The following EIF2B3 variants were observed in gnomAD, a reference collection of about 807,000 sequenced individuals.
EIF2B3 encodes eukaryotic translation initiation factor 2B subunit gamma, also known as translation initiation factor eIF2B subunit gamma.
EIF2B3 carries 20 observed loss-of-function variants against 54.1 expected under a neutral mutation model. That is an observed-to-expected ratio of 0.37 (90% confidence interval 0.26 to 0.54). The LOEUF is 0.54. EIF2B3 is among the 20% of genes least tolerant of loss of function. The pLI is 0.86. For missense variants in EIF2B3, 448 were observed against 547.8 expected (o/e 0.82, Z 1.82); for synonymous variants, 153 against 188.1 (o/e 0.81, Z 1.52).
chr1:44,911,220 G>A (rs1032318284), intron 5 of EIF2B3, among the ~76,000 whole-genome samples: 1 of 152,150 alleles, frequency 6.6e-6, no homozygotes, highest in Non-Finnish European at 1.5e-5. Context: ...ACCCCAGAGG[G>A]TCATAGGAAT....
At chr1:44,898,757 A>G (rs1160705283) in intron 5 of EIF2B3, among the ~76,000 whole-genome samples, 1 of 152,288 alleles carries the variant, frequency 6.6e-6, no homozygotes, top group South Asian at 2.1e-4. Context: ...CAGTGGCACA[A>G]TGATTGCTCA....
intron 5 of EIF2B3, among the ~76,000 whole-genome samples, chr1:44,903,023 G>A (rs1254026265): frequency 6.6e-6 from 1 of 151,976 alleles, no homozygotes; most frequent in Non-Finnish European, 1.5e-5. Context: ...GATTTCTAGG[G>A]AAGCTGTAAG....
intron 4 of EIF2B3, among the ~76,000 whole-genome samples, chr1:44,928,915 G>A (rs1643875317): frequency 6.6e-6 from 1 of 152,140 alleles, no homozygotes; most frequent in South Asian, 2.1e-4. Flanking sequence ...AACTTCTGGA[G>A]CCAGACTGCC....
In EIF2B3 at chr1:44,897,490, T is replaced by C; in HGVS notation, c.567-46A>G. Reference sequence around the variant, plus strand: ...AAAGAAAGAAAGAAGAGGCTCACAATCAGGTAACATGGTCTCCATTCTATT... The same window carrying C: ...AAAGAAAGAAAGAAGAGGCTCACAACCAGGTAACATGGTCTCCATTCTATT... On this transcript the variant is annotated intron_variant, in intron 5 of 11. Transcript: ENST00000360403. 2.1e-6 allele frequency: 3 copies of C among 1,422,626 alleles called. No homozygotes were observed. In the East Asian group the frequency reaches 7.3e-5, roughly 34 times the overall value. 88.1% of individuals were successfully genotyped at this position (1,422,626 alleles called of 1,614,324 possible).
At chr1:44,928,388 A>G (rs1643871273) in intron 4 of EIF2B3, among the ~76,000 whole-genome samples, 1 of 152,184 alleles carries the variant, frequency 6.6e-6, no homozygotes, top group African/African-American at 2.4e-5. Context: ...CAGAGGCTGC[A>G]GTGAGCTGAG....
At chr1:44,897,482 G>A (rs768776249) in intron 5 of EIF2B3, 38 bp from the exon 6 acceptor site, 43 of 1,484,868 alleles carry the variant, frequency 2.9e-5, no homozygotes. Context: ...GAAAGAAGAG[G>A]CTCACAATCA....
chr1:44,861,491 C>T (rs72674074), intron 10 of EIF2B3, among the ~76,000 whole-genome samples: 1,826 of 152,178 alleles, frequency 0.012, 22 homozygotes, highest in Non-Finnish European at 0.02. Flanking sequence ...ACTCAAGCAG[C>T]CATAATTAGA....
chr1:44,980,951 G>A lies in EIF2B3; in HGVS notation c.148+70C>T, dbSNP rs940460379. On this transcript the variant is annotated intron_variant, in intron 2 of 11. Transcript: ENST00000360403. ...AGTCACCCTCTCTCATTCTCATAAC[G>A]CTGACAAATCATGGGGATCAAATCT... is the stretch of plus-strand genomic sequence containing the variant. 6.3e-6 allele frequency: 10 copies of A among 1,586,410 alleles called. 1 individual carries two copies. Among genetic ancestry groups the A allele is most frequent in the South Asian group, 3.3e-5 (3 of 90,348 alleles).
At chr1:44,972,236 CACACACACACACAA>C (rs1394803017) in intron 3 of EIF2B3, among the ~76,000 whole-genome samples, 3 of 116,766 alleles carry the variant, frequency 2.6e-5, no homozygotes, top group African/African-American at 3.7e-5. Context: ...AAAAAATACA[CACACACACACACAA>C]ACACACACAC....
chr1:44,973,175 T>C (rs1644419737), intron 3 of EIF2B3, among the ~76,000 whole-genome samples: 1 of 152,180 alleles, frequency 6.6e-6, no homozygotes, highest in Admixed American at 6.5e-5. Flanking sequence ...AAATAGCATA[T>C]AATCCAGCAA....
chr1:44,967,601 G>A (rs547714126), intron 3 of EIF2B3, among the ~76,000 whole-genome samples: 2 of 151,732 alleles, frequency 1.3e-5, no homozygotes, highest in African/African-American at 2.4e-5. Context: ...TTAGCCGGGT[G>A]TGGTGGCACA....
intron 3 of EIF2B3, among the ~76,000 whole-genome samples, chr1:44,971,802 G>A (rs780445082): frequency 6.6e-6 from 1 of 152,122 alleles, no homozygotes; most frequent in Non-Finnish European, 1.5e-5. Context: ...GGAGGCTGAG[G>A]TGGGTGGATC....
chr1:44,965,613 A>T (rs1421791573), intron 3 of EIF2B3, among the ~76,000 whole-genome samples: 1 of 148,402 alleles, frequency 6.7e-6, no homozygotes, highest in African/African-American at 2.5e-5. Context: ...AGGCCTGGGT[A>T]TCTGAGATGC....
intron 4 of EIF2B3, among the ~76,000 whole-genome samples, chr1:44,930,653 T>C (rs1265546677): frequency 6.6e-6 from 1 of 152,208 alleles, no homozygotes; most frequent in Admixed American, 6.5e-5. Flanking sequence ...TTTTTTCTTT[T>C]TTTTGGAGGT....
chr1:44,920,547 C>T (rs1258767232), intron 5 of EIF2B3, among the ~76,000 whole-genome samples: 1 of 152,158 alleles, frequency 6.6e-6, no homozygotes, highest in Non-Finnish European at 1.5e-5. Context: ...CACTCTCTAC[C>T]CTTTCCAGCC....
intron 10 of EIF2B3, among the ~76,000 whole-genome samples, chr1:44,859,305 G>A (rs920697815): frequency 2.7e-5 from 4 of 150,322 alleles, no homozygotes; most frequent in Admixed American, 6.6e-5. Flanking sequence ...TGTCATAAAC[G>A]GAGCATCTTC....
At chr1:44,961,404 T>C (rs746051329) in intron 3 of EIF2B3, among the ~76,000 whole-genome samples, 23 of 150,402 alleles carry the variant, frequency 1.5e-4, no homozygotes, top group Non-Finnish European at 3.0e-4. Context: ...GCCGGGTGCA[T>C]TGGCTCATCA....
At chr1:44,865,672 T>C (rs1267633506) in intron 10 of EIF2B3, among the ~76,000 whole-genome samples, 3 of 151,996 alleles carry the variant, frequency 2.0e-5, no homozygotes, top group Non-Finnish European at 4.4e-5. Flanking sequence ...ACCTCCACCT[T>C]CCGGGGTTCA....
intron 10 of EIF2B3, among the ~76,000 whole-genome samples, chr1:44,861,329 T>G (rs1654604250): frequency 6.6e-6 from 1 of 152,164 alleles, no homozygotes; most frequent in South Asian, 2.1e-4. Flanking sequence ...GCCTTTCAGT[T>G]GGCTACTAGT....
Sources: allele counts gnomAD v4.1 joint callset (sites outside exome capture counted in the v4.1 genomes callset), GRCh38; gene constraint gnomAD v4.1.1; transcripts MANE v1.5; gene names NCBI Gene and HGNC (gene_info 2026-07-23, HGNC 2026-07-21).